PCDH15: variants seen among roughly 807,000 people sequenced by gnomAD.
PCDH15 encodes the protein protocadherin related 15, also known as protocadherin-15.
PCDH15 carries 129 observed loss-of-function variants against 178.5 expected under a neutral mutation model. The ratio of observed to expected loss-of-function variants is 0.72; its 90% CI spans 0.63 to 0.84. The LOEUF is 0.84. Among genes scored for constraint, PCDH15 ranks in the 40% least tolerant of loss-of-function variants. PCDH15 has a pLI of 0.00. For synonymous variants in PCDH15, 800 were observed against 732.0 expected (o/e 1.09, Z -1.50); for missense variants, 2,230 against 2,099.9 (o/e 1.06, Z -1.21).
intron 2 of PCDH15, among the ~76,000 whole-genome samples, chr10:55,495,680 T>A (rs1840517282): frequency 2.0e-5 from 3 of 151,774 alleles, no homozygotes; most frequent in African/African-American, 7.3e-5. Flanking sequence ...AGAAACAAAT[T>A]TTTCACTTTC....
At chr10:54,125,434 T>A (rs2132942595) in intron 15 of PCDH15, among the ~76,000 whole-genome samples, 1 of 152,304 alleles carries the variant, frequency 6.6e-6, no homozygotes, top group Middle Eastern at 3.4e-3. Flanking sequence ...TTGTTAAGAA[T>A]CATGAAGCAA....
intron 24 of PCDH15, 141 bp downstream of exon 24, chr10:53,940,724 AC>A (rs1409180110): frequency 2.9e-6 from 2 of 693,374 alleles, no homozygotes; most frequent in Non-Finnish European, 5.1e-6. Context: ...AGTTCAGGAT[AC>A]ATGGTTAACA....
intron 13 of PCDH15, among the ~76,000 whole-genome samples, chr10:54,156,575 C>G (rs916820990): frequency 1.3e-5 from 2 of 152,198 alleles, no homozygotes; most frequent in African/African-American, 4.8e-5. Context: ...CCTCCCACAA[C>G]ACGTGGGAAT....
intron 2 of PCDH15, among the ~76,000 whole-genome samples, chr10:55,401,157 A>T (rs1250879140): frequency 6.6e-6 from 1 of 152,036 alleles, no homozygotes; most frequent in Non-Finnish European, 1.5e-5. Context: ...TTGATTCACA[A>T]ACTAGCTTCG....
chr10:54,752,680 G>A (rs1946512701), intron 1 of PCDH15, among the ~76,000 whole-genome samples: 1 of 147,904 alleles, frequency 6.8e-6, no homozygotes, highest in Non-Finnish European at 1.5e-5. Flanking sequence ...AAATGATGCC[G>A]AGTGTATCTT....
Position 55,512,379 on chromosome 10 carries a change from C to T in PCDH15, c.-156+115246G>A, listed in dbSNP as rs534564742. Among the ~76,000 whole-genome samples the T allele has an allele frequency of 2.8e-3, 425 of 152,082 alleles. 3 individuals carry two copies. The highest frequency in any genetic ancestry group is 0.01 in the Middle Eastern group (3 of 294). On this transcript the variant is annotated intron_variant, in intron 2 of 5. Transcript: ENST00000613346. Reference sequence around the variant, plus strand: ...TCTAGGGTGTCTTGTGGGATTAACGCTCCTAGAATGCACTTCCACACAGTG... The same window carrying T: ...TCTAGGGTGTCTTGTGGGATTAACGTTCCTAGAATGCACTTCCACACAGTG...
intron 3 of PCDH15, among the ~76,000 whole-genome samples, chr10:54,860,099 G>A (rs779437785): frequency 1.4e-4 from 22 of 152,120 alleles, no homozygotes; most frequent in Non-Finnish European, 2.4e-4. Flanking sequence ...GTGTGTGGGG[G>A]TGTGTTTAAA....
intron 21 of PCDH15, among the ~76,000 whole-genome samples, chr10:53,973,055 T>G (rs2089876843): frequency 6.6e-6 from 1 of 152,036 alleles, no homozygotes; most frequent in Admixed American, 6.6e-5. Flanking sequence ...TGTCCATCAA[T>G]GATAGACCGG....
intron 15 of PCDH15, among the ~76,000 whole-genome samples, chr10:54,124,715 G>A (rs1315010316): frequency 6.6e-6 from 1 of 152,108 alleles, no homozygotes; most frequent in African/African-American, 2.4e-5. Flanking sequence ...AACCAGCTGT[G>A]AAACATTCAT....
chr10:54,752,513 C>CAAA (rs1566128338), intron 1 of PCDH15, among the ~76,000 whole-genome samples: 3 of 54,642 alleles, frequency 5.5e-5, no homozygotes, highest in Admixed American at 1.6e-4. Context: ...AAACAAAAAA[C>CAAA]AAACAAACAA....
intron 2 of PCDH15, among the ~76,000 whole-genome samples, chr10:55,139,739 A>G (rs766888815): frequency 9.9e-5 from 15 of 151,956 alleles, no homozygotes; most frequent in African/African-American, 7.2e-5. Flanking sequence ...CTTTATTTCT[A>G]TCAATATTAT....
chr10:54,457,561 G>C (rs1421491657), intron 3 of PCDH15, among the ~76,000 whole-genome samples: 2 of 152,102 alleles, frequency 1.3e-5, no homozygotes, highest in Non-Finnish European at 2.9e-5. Flanking sequence ...CTCATGTTTG[G>C]AGAAAACTGG....
intron 19 of PCDH15, among the ~76,000 whole-genome samples, chr10:54,022,416 TTC>T (rs1392677092): frequency 6.6e-6 from 1 of 152,016 alleles, no homozygotes; most frequent in African/African-American, 2.4e-5. Context: ...TCTATATTTT[TTC>T]TGTGTGTACA....
At chr10:54,040,056 A>T (rs1195335625) in intron 18 of PCDH15, among the ~76,000 whole-genome samples, 1 of 152,050 alleles carries the variant, frequency 6.6e-6, no homozygotes, top group African/African-American at 2.4e-5. Context: ...TAGTCATGCA[A>T]ATCATGCACT....
rs371995723 is a variant in PCDH15, at chr10:55,221,136, A to T, written c.-155-54485T>A. Among the ~76,000 whole-genome samples, 97 of 152,184 alleles carry T rather than the reference A, an allele frequency of 6.4e-4. 1 individual carries two copies. Among genetic ancestry groups the T allele is most frequent in the African/African-American group, 2.2e-3 (90 of 41,478 alleles). ...TTAAAAATGTGGAGTGAAAGAAAGC[A>T]GAAACAGATAGCACACACACACACT... On this transcript the variant is annotated intron_variant, in intron 1 of 5. Transcript: ENST00000458638.
chr10:55,320,326 C>T (rs1465973929), upstream of PCDH15, among the ~76,000 whole-genome samples: 1 of 152,108 alleles, frequency 6.6e-6, no homozygotes, highest in South Asian at 2.1e-4. Flanking sequence ...CTCAGCACCC[C>T]CTCCAACCCC....
intron 2 of PCDH15, among the ~76,000 whole-genome samples, chr10:54,953,249 C>T (rs1333590344): frequency 6.6e-6 from 1 of 151,386 alleles, no homozygotes. Flanking sequence ...CATTTTGTCA[C>T]ATTCCTTTCC....
intron 10 of PCDH15, among the ~76,000 whole-genome samples, chr10:54,207,518 T>G (rs935996412): frequency 2.0e-5 from 3 of 152,062 alleles, no homozygotes; most frequent in Admixed American, 2.0e-4. Context: ...GGTAAAGTTT[T>G]TAGACTGACT....
chr10:54,548,387 T>C (rs1320154875), intron 2 of PCDH15, among the ~76,000 whole-genome samples: 2 of 148,306 alleles, frequency 1.3e-5, no homozygotes, highest in Admixed American at 6.8e-5. Flanking sequence ...ATTTATTAAG[T>C]GTTGAAGAAC....
Sources: allele counts gnomAD v4.1 joint callset (sites outside exome capture counted in the v4.1 genomes callset), GRCh38; gene constraint gnomAD v4.1.1; transcripts MANE v1.5; gene names NCBI Gene and HGNC (gene_info 2026-07-23, HGNC 2026-07-21).